DLC1: variants seen among roughly 807,000 people sequenced by gnomAD.
DLC1 encodes the protein DLC1 Rho GTPase activating protein, also known as rho GTPase-activating protein 7.
DLC1 carries 54 observed loss-of-function variants against 140.3 expected under a neutral mutation model. The ratio of observed to expected loss-of-function variants is 0.38; its 90% CI spans 0.31 to 0.48. The LOEUF (loss-of-function observed/expected upper bound fraction) is 0.48. Ranked by LOEUF, DLC1 falls within the 20% of genes least tolerant of loss-of-function variation. The pLI, the probability that DLC1 is intolerant of heterozygous loss-of-function variation, is 0.96. For synonymous variants in DLC1, 986 were observed against 728.1 expected, an observed-to-expected ratio of 1.35 and a Z score of -5.70; for missense variants, 2,536 against 1,907.0, an observed-to-expected ratio of 1.33 and a Z score of -6.14.
intron 4 of DLC1, among the ~76,000 whole-genome samples, chr8:13,377,135 G>A (rs1410592647): frequency 6.6e-6 from 1 of 152,150 alleles, no homozygotes; most frequent in Non-Finnish European, 1.5e-5. Flanking sequence ...TTGGCTAAAG[G>A]TATCCACTCA....
chr8:13,285,244 A>AT (rs1283844281), intron 5 of DLC1, among the ~76,000 whole-genome samples: 7 of 152,164 alleles, frequency 4.6e-5, no homozygotes, highest in South Asian at 2.1e-4. Flanking sequence ...TGGTCAGTTG[A>AT]TTTTTTTTAT....
intron 5 of DLC1, among the ~76,000 whole-genome samples, chr8:13,202,574 C>G (rs1827449877): frequency 6.6e-6 from 1 of 152,108 alleles, no homozygotes; most frequent in African/African-American, 2.4e-5. Context: ...TTTATCTTTT[C>G]CCTCCTATTT....
chr8:13,492,740 C>T (rs1801317738), intron 2 of DLC1, among the ~76,000 whole-genome samples: 1 of 152,234 alleles, frequency 6.6e-6, no homozygotes, highest in African/African-American at 2.4e-5. Flanking sequence ...TTGATTTTAC[C>T]AGACGCTATA....
chr8:13,091,552 G>T, intron 13 of DLC1, 120 bp from the exon 14 acceptor site: 1 of 783,434 alleles, frequency 1.3e-6, no homozygotes, highest in Non-Finnish European at 2.0e-6. Flanking sequence ...TCTGTTTATT[G>T]TTAAGTGGAT....
chr8:13,313,406 C>T (rs78444240), intron 4 of DLC1, among the ~76,000 whole-genome samples: 21 of 152,262 alleles, frequency 1.4e-4, no homozygotes, highest in African/African-American at 3.9e-4. Flanking sequence ...AATATGAACA[C>T]GTACAAGGTT....
At chr8:13,140,250 C>G (rs1187143411) in intron 5 of DLC1, among the ~76,000 whole-genome samples, 1 of 151,940 alleles carries the variant, frequency 6.6e-6, no homozygotes, top group African/African-American at 2.4e-5. Flanking sequence ...ATATATTTTT[C>G]CAGACACGAT....
At chr8:13,249,562 C>T (rs563853287) in intron 5 of DLC1, among the ~76,000 whole-genome samples, 9 of 152,320 alleles carry the variant, frequency 5.9e-5, no homozygotes, top group Middle Eastern at 3.4e-3. Flanking sequence ...TTGTGCCTTT[C>T]ACACAGTCTT....
At chr8:13,392,688 T>A (rs1367904929) in intron 4 of DLC1, among the ~76,000 whole-genome samples, 1 of 152,192 alleles carries the variant, frequency 6.6e-6, no homozygotes, top group Non-Finnish European at 1.5e-5. Flanking sequence ...TTCATAAGTG[T>A]TACCTTTTAG....
chr8:13,298,250 A>C (rs562809180), intron 5 of DLC1, among the ~76,000 whole-genome samples: 1 of 152,200 alleles, frequency 6.6e-6, no homozygotes, highest in African/African-American at 2.4e-5. Context: ...GACCAAGGAA[A>C]GCAACCAAAG....
At chr8:13,554,198 C>T (rs1803965654) in intron 1 of DLC1, among the ~76,000 whole-genome samples, 1 of 152,116 alleles carries the variant, frequency 6.6e-6, no homozygotes, top group Non-Finnish European at 1.5e-5. Flanking sequence ...TCCCGAGTAG[C>T]TGGAATTACA....
Position 13,500,120 on chromosome 8 carries a change from A to T in DLC1, c.-49T>A, listed in dbSNP as rs772554678. 3.4e-6 allele frequency: 5 copies of T among 1,463,248 alleles called. No homozygotes were observed. In the East Asian group the frequency reaches 1.1e-4, roughly 33 times the overall value. The allele number at this position is 1,463,248 out of a possible 1,614,324, so 90.6% of individuals were successfully genotyped here. Reference sequence around the variant, plus strand: ...AGAGAGATATATTCCATATGAGGGTAAAGGAGATGGAACTTGATGAAAGAT... The same window carrying T: ...AGAGAGATATATTCCATATGAGGGTTAAGGAGATGGAACTTGATGAAAGAT... On this transcript the variant is annotated 5_prime_UTR_variant, in exon 2 of 18. Coordinates refer to ENST00000276297, the MANE Select transcript of DLC1 (RefSeq NM_182643.3).
intron 5 of DLC1, among the ~76,000 whole-genome samples, chr8:13,270,932 C>T (rs1237200438): frequency 1.3e-5 from 2 of 152,098 alleles, no homozygotes; most frequent in East Asian, 1.9e-4. Context: ...CATTTCATGA[C>T]GTAGGTGCTG....
At chr8:13,188,419 C>CAAAAAAAAAAA (rs1178090798) in intron 5 of DLC1, among the ~76,000 whole-genome samples, 76 of 58,996 alleles carry the variant, frequency 1.3e-3, no homozygotes, top group African/African-American at 4.4e-3. Context: ...GACTCCGTCT[C>CAAAAAAAAAAA]AAAAAAAAAA....
rs567508222 is a variant in DLC1 at position 13,247,465 on chromosome 8, A to G, written c.1348+57804T>C. 1.6e-4 allele frequency among the ~76,000 whole-genome samples: 25 copies of G among 152,192 alleles called. No homozygotes were observed. The South Asian group carries it at 5.0e-3, about 30-fold the overall frequency. Reference sequence around the variant, plus strand: ...CATTCTAAGTGCTTTATTTTTAGTGACTCATTTAATTCTTGCAACAACCTC... The same window carrying G: ...CATTCTAAGTGCTTTATTTTTAGTGGCTCATTTAATTCTTGCAACAACCTC... On this transcript the variant is annotated intron_variant, in intron 5 of 17. Transcript: ENST00000276297.
At chr8:13,090,851 T>G (rs1485038803) in intron 14 of DLC1, among the ~76,000 whole-genome samples, 1 of 150,882 alleles carries the variant, frequency 6.6e-6, no homozygotes, top group Non-Finnish European at 1.5e-5. Flanking sequence ...TGTTACCTAG[T>G]GGAGTGCAGT....
At chr8:13,373,761 A>C (rs886232785) in intron 4 of DLC1, among the ~76,000 whole-genome samples, 1 of 152,194 alleles carries the variant, frequency 6.6e-6, no homozygotes, top group Non-Finnish European at 1.5e-5. Context: ...ACCTCACTGA[A>C]TCTTCATGAA....
At chr8:13,347,829 A>G (rs1563272039) in intron 4 of DLC1, among the ~76,000 whole-genome samples, 1 of 152,160 alleles carries the variant, frequency 6.6e-6, no homozygotes, top group Non-Finnish European at 1.5e-5. Context: ...AAGGGCATTA[A>G]AACATGCTTC....
chr8:13,371,057 G>C (rs1017113420), intron 4 of DLC1, among the ~76,000 whole-genome samples: 3 of 152,176 alleles, frequency 2.0e-5, no homozygotes, highest in African/African-American at 7.2e-5. Flanking sequence ...AATTTGGGTT[G>C]TTTTCAGATC....
At chr8:13,550,383 C>T (rs1803805195) in intron 1 of DLC1, among the ~76,000 whole-genome samples, 1 of 152,114 alleles carries the variant, frequency 6.6e-6, no homozygotes, top group South Asian at 2.1e-4. Context: ...AACTGTAAGT[C>T]AATTGTACTT....
Sources: gnomAD v4.1 joint callset for allele counts (sites outside exome capture counted in the v4.1 genomes callset) on GRCh38, gnomAD v4.1.1 for gene constraint, MANE v1.5 for transcripts, NCBI Gene and HGNC (gene_info 2026-07-23, HGNC 2026-07-21) for gene names.